Variants in TXNRD1 observed in about 807,000 individuals in gnomAD.
The protein encoded by TXNRD1 is thioredoxin reductase 1, cytoplasmic.
TXNRD1 carries 57 observed loss-of-function variants against 80.3 expected under a neutral mutation model. The observed-to-expected ratio is 0.71, with a 90% CI of 0.57 to 0.89. The LOEUF is 0.89. Ranked by LOEUF, TXNRD1 falls within the 40% of genes least tolerant of loss-of-function variation. TXNRD1 has a pLI of 0.00. For synonymous variants in TXNRD1, 291 were observed against 285.2 expected (o/e 1.02, Z -0.20); for missense variants, 730 against 803.0 (o/e 0.91, Z 1.10).
At chr12:104,290,747 A>ATATATATATG (rs1250865120) in intron 4 of TXNRD1, among the ~76,000 whole-genome samples, 2 of 116,626 alleles carry the variant, frequency 1.7e-5, no homozygotes, top group African/African-American at 7.0e-5. Context: ...ATATATATAT[A>ATATATATATG]TATATATATA....
Position 104,288,924 on chromosome 12 carries a change from C to T in TXNRD1, c.305-7C>T, listed in dbSNP as rs1289902496. Reference sequence around the variant, plus strand: ...TACACGCTCCGCTCTGCTTTTGTGCCACACAGAGGACGGTCGGGCCCTGGA... The same window carrying T: ...TACACGCTCCGCTCTGCTTTTGTGCTACACAGAGGACGGTCGGGCCCTGGA... On this transcript the variant is annotated splice_region_variant and splice_polypyrimidine_tract_variant and intron_variant, in intron 3 of 16. Transcript: ENST00000525566. 18 of 1,613,898 alleles carry T rather than the reference C, an allele frequency of 1.1e-5. No homozygotes were observed. Among genetic ancestry groups the T allele is most frequent in the Non-Finnish European group, 1.5e-5 (18 of 1,179,890 alleles).
intron 3 of TXNRD1, among the ~76,000 whole-genome samples, chr12:104,266,524 CAAAAAAAAA>C (rs60829935): frequency 9.0e-6 from 1 of 111,518 alleles, no homozygotes; most frequent in Non-Finnish European, 1.7e-5. Context: ...GAATTCATCT[CAAAAAAAAA>C]AAAAAAAAAA....
intron 4 of TXNRD1, among the ~76,000 whole-genome samples, chr12:104,300,508 C>T (rs34046463): frequency 2.0e-5 from 3 of 152,256 alleles, no homozygotes; most frequent in Non-Finnish European, 2.9e-5. Context: ...TTTTAAGCTT[C>T]ATTTAAATAA....
chr12:104,337,216 A>G (rs1050348740), intron 15 of TXNRD1, among the ~76,000 whole-genome samples: 28 of 152,074 alleles, frequency 1.8e-4, no homozygotes, highest in Admixed American at 3.3e-4. Context: ...CGCTTTATTC[A>G]TACCATAAAC....
intron 3 of TXNRD1, among the ~76,000 whole-genome samples, chr12:104,275,080 A>G (rs529439052): frequency 2.6e-4 from 40 of 152,230 alleles, no homozygotes; most frequent in African/African-American, 9.4e-4. Context: ...GAGGTTTTTC[A>G]TGTTCCTTTC....
At chr12:104,242,621 T>C (rs538906715) in intron 1 of TXNRD1, among the ~76,000 whole-genome samples, 70 of 152,308 alleles carry the variant, frequency 4.6e-4, no homozygotes, top group Admixed American at 1.1e-3. Flanking sequence ...ATATTAAATT[T>C]ACAGCTAGGT....
At chr12:104,329,546 C>T (rs1340087235) in intron 13 of TXNRD1, among the ~76,000 whole-genome samples, 2 of 151,596 alleles carry the variant, frequency 1.3e-5, no homozygotes, top group Non-Finnish European at 2.9e-5. Flanking sequence ...CTACACAGAG[C>T]GCTGAGGTGG....
Position 104,334,324 on chromosome 12 carries a change from A to G in TXNRD1, c.1738A>G (p.Lys580Glu), listed in dbSNP as rs2036058782. ...KCYAKIICNT[K>E]DNERVVGFHV... ...TTATGCAAAAATAATCTGTAATACT[A>G]AAGACAATGTAAGTTTAATTCTCAA... The change falls in exon 15 of 17, where the codon AAA becomes GAA. Residue 580 changes from lysine (K) to glutamate (E), a missense_variant. Transcript: ENST00000525566. The G allele has an allele frequency of 2.7e-6, 4 of 1,477,316 alleles. No individual in the cohort carries two copies. The highest frequency in any genetic ancestry group is 5.1e-5 in the East Asian group (2 of 39,354). The allele number at this position is 1,477,316 out of a possible 1,614,324, so 91.5% of individuals were successfully genotyped here. A position where few individuals can be genotyped will look rare whatever the true frequency, so the allele number is the denominator to read the frequency against.
chr12:104,280,545 TCAACTTGGCTAG>T (rs2033856196), intron 3 of TXNRD1: 1 of 152,206 alleles, frequency 6.6e-6, no homozygotes, highest in South Asian at 2.1e-4. Context: ...ATTTTATGTG[TCAACTTGGCTAG>T]CATACGGTGC....
At position 104,319,583 on chromosome 12, in the gene TXNRD1, C is replaced by T. The variant is rs371619524; in HGVS notation, c.987C>T (p.Ser329=). 2 of 1,588,930 alleles carry T rather than the reference C, an allele frequency of 1.3e-6. No homozygotes were observed. Among genetic ancestry groups the T allele is most frequent in the South Asian group, 1.2e-5 (1 of 86,852 alleles). The part of the protein sequence containing the change: ...GIPGDKEYCI[S]SDDLFSLPYC... Reference sequence around the variant, plus strand: ...CTGGTGACAAAGAATACTGCATCAGCAGGTAAAGGAAAAAAGCAGGGTGGA... The same window carrying T: ...CTGGTGACAAAGAATACTGCATCAGTAGGTAAAGGAAAAAAGCAGGGTGGA... The change falls in exon 9 of 17, where the codon AGC becomes AGT. Residue 329 remains serine, a splice_region_variant and synonymous_variant. Transcript: ENST00000525566.
rs923868005 is a variant in TXNRD1, at chr12:104,337,410, C to A, written c.1747-1729C>A. Among the ~76,000 whole-genome samples, 4 of 152,042 alleles carry A rather than the reference C, an allele frequency of 2.6e-5. 1 individual carries two copies. The highest frequency in any genetic ancestry group is 5.9e-5 in the Non-Finnish European group (4 of 67,946). On this transcript the variant is annotated intron_variant, in intron 15 of 16. Transcript: ENST00000525566. ...TTGCACTAGATAGTCTAGTCAGAGTCTGCGCTGAAAATCTATCAGCTCAAC... is the reference window on the plus strand; with the variant it reads ...TTGCACTAGATAGTCTAGTCAGAGTATGCGCTGAAAATCTATCAGCTCAAC...
chr12:104,287,506 T>G, intron 3 of TXNRD1: 1 of 1,602,200 alleles, frequency 6.2e-7, no homozygotes, highest in East Asian at 2.2e-5. Context: ...GACAGATCCT[T>G]GAGAATATTA....
chr12:104,335,308 T>C (rs922549119), intron 15 of TXNRD1, among the ~76,000 whole-genome samples: 2 of 151,740 alleles, frequency 1.3e-5, no homozygotes, highest in African/African-American at 4.8e-5. Flanking sequence ...TTCAAGTGAT[T>C]TTCCTGCCTC....
At chr12:104,347,720 A>G (rs1166925626) in intron 16 of TXNRD1, among the ~76,000 whole-genome samples, 1 of 152,260 alleles carries the variant, frequency 6.6e-6, no homozygotes, top group Non-Finnish European at 1.5e-5. Context: ...GAATAATTGA[A>G]TACTACAATA....
chr12:104,291,290 T>A (rs1199852380), intron 4 of TXNRD1, among the ~76,000 whole-genome samples: 1 of 130,012 alleles, frequency 7.7e-6, no homozygotes, highest in Non-Finnish European at 1.6e-5. Flanking sequence ...AACCTCTACC[T>A]CCCAGGTTCA....
intron 4 of TXNRD1, chr12:104,290,860 T>C: frequency 2.0e-6 from 1 of 499,436 alleles, no homozygotes; most frequent in Non-Finnish European, 3.5e-6. Flanking sequence ...ATTCTACTGA[T>C]ACTCCTGGTT....
At chr12:104,249,743 G>T (rs952717873) in intron 1 of TXNRD1, among the ~76,000 whole-genome samples, 8 of 151,934 alleles carry the variant, frequency 5.3e-5, no homozygotes, top group Admixed American at 3.3e-4. Context: ...AGACCATCCT[G>T]GCTAACATGG....
At chr12:104,235,331 G>C (rs1316376048) in intron 1 of TXNRD1, among the ~76,000 whole-genome samples, 1 of 152,182 alleles carries the variant, frequency 6.6e-6, no homozygotes, top group Non-Finnish European at 1.5e-5. Context: ...ACAGATGTGG[G>C]TTGTTACAGA....
intron 16 of TXNRD1, 134 bp from the exon 17 acceptor site, chr12:104,348,219 A>G: frequency 1.4e-6 from 1 of 724,288 alleles, no homozygotes; most frequent in Non-Finnish European, 2.4e-6. Context: ...ATCCTTGATC[A>G]TACTACTTCT....
Sources: gnomAD v4.1 joint callset for allele counts (sites outside exome capture counted in the v4.1 genomes callset) on GRCh38, gnomAD v4.1.1 for gene constraint, MANE v1.5 for transcripts, NCBI Gene and HGNC (gene_info 2026-07-23, HGNC 2026-07-21) for gene names.